Variants in UBE2Z observed in about 807,000 individuals in gnomAD.
UBE2Z encodes ubiquitin-conjugating enzyme E2 Z.
Under a neutral mutation model 32.6 loss-of-function variants are expected in UBE2Z, and 10 were observed. The observed-to-expected ratio is 0.31, with a 90% CI of 0.19 to 0.52. UBE2Z has a LOEUF of 0.52. Ranked by LOEUF, UBE2Z falls within the 20% of genes least tolerant of loss-of-function variation. UBE2Z has a pLI of 0.97. For missense variants in UBE2Z, 343 were observed against 480.9 expected, an observed-to-expected ratio of 0.71 and a Z score of 2.68; for synonymous variants, 183 against 190.8, an observed-to-expected ratio of 0.96 and a Z score of 0.34.
At chr17:48,909,251 C>T (rs1233285252) in intron 1 of UBE2Z, among the ~76,000 whole-genome samples, 1 of 151,134 alleles carries the variant, frequency 6.6e-6, no homozygotes. Context: ...CCTCTCTTCT[C>T]CTCTGGAGCC....
At chr17:48,915,972 A>G in intron 3 of UBE2Z, 104 bp from the exon 4 acceptor site, 1 of 629,518 alleles carries the variant, frequency 1.6e-6, no homozygotes, top group South Asian at 1.9e-5. Flanking sequence ...ATAGTGAAAG[A>G]GAAACTTATG....
At chr17:48,914,934 T>C (rs559145179) in intron 3 of UBE2Z, among the ~76,000 whole-genome samples, 30 of 152,128 alleles carry the variant, frequency 2.0e-4, no homozygotes, top group Admixed American at 6.5e-4. Context: ...GGCACAAGAA[T>C]TGCTTGAACC....
intron 5 of UBE2Z, 69 bp from the exon 6 acceptor site, chr17:48,922,778 A>T: frequency 3.5e-5 from 42 of 1,204,582 alleles, no homozygotes; most frequent in Non-Finnish European, 4.6e-5. Flanking sequence ...AAAAAAAAAA[A>T]GGTTAGGTAA....
At chr17:48,908,994 C>T in intron 1 of UBE2Z, 174 bp downstream of exon 1, 2 of 360,154 alleles carry the variant, frequency 5.6e-6, no homozygotes, top group Non-Finnish European at 1.0e-5. Context: ...CCCTTCTCCC[C>T]CCACCCTCAG....
At chr17:48,916,540 C>G (rs1347641994) in intron 4 of UBE2Z, among the ~76,000 whole-genome samples, 1 of 151,568 alleles carries the variant, frequency 6.6e-6, no homozygotes, top group Admixed American at 6.6e-5. Flanking sequence ...CGTGAGCCAC[C>G]GCGCCCAGCC....
intron 1 of UBE2Z, among the ~76,000 whole-genome samples, chr17:48,909,436 C>T (rs559957392): frequency 1.3e-5 from 2 of 152,016 alleles, no homozygotes; most frequent in Non-Finnish European, 2.9e-5. Flanking sequence ...CCAAAGCTGT[C>T]CACTCTTACG....
At chr17:48,924,703 A>G (rs946539817) in intron 6 of UBE2Z, among the ~76,000 whole-genome samples, 1 of 151,854 alleles carries the variant, frequency 6.6e-6, no homozygotes, top group Admixed American at 6.6e-5. Flanking sequence ...AAAATTAGCC[A>G]GGCATGATGG....
In UBE2Z at chr17:48,922,391, A is replaced by G. The variant is rs576116274; in HGVS notation, c.804-456A>G. On this transcript the variant is annotated intron_variant, in intron 5 of 6. Transcript: ENST00000360943. ...AAAAGAGCGAGACTCAGTCTCAAAA[A>G]AATAAAAAATAAATAAAATGAAAAG... Among the ~76,000 whole-genome samples, 7 of 152,314 alleles carry G rather than the reference A, an allele frequency of 4.6e-5. No individual in the cohort carries two copies. In the South Asian group the frequency reaches 1.4e-3, roughly 32 times the overall value.
chr17:48,919,277 C>T (rs2040742999), intron 4 of UBE2Z, among the ~76,000 whole-genome samples: 3 of 152,002 alleles, frequency 2.0e-5, no homozygotes, highest in African/African-American at 7.3e-5. Flanking sequence ...AGCTACCGCG[C>T]CTGGCCCATC....
At chr17:48,912,544 A>T in intron 2 of UBE2Z, 1 of 345,102 alleles carries the variant, frequency 2.9e-6, no homozygotes, top group Non-Finnish European at 5.4e-6. Flanking sequence ...AGAGAGTTTT[A>T]GGGGATACTC....
intron 6 of UBE2Z, among the ~76,000 whole-genome samples, chr17:48,925,835 T>C (rs1355569987): frequency 6.6e-6 from 1 of 152,148 alleles, no homozygotes; most frequent in Non-Finnish European, 1.5e-5. Context: ...TGACAGTGAC[T>C]AGCATCCACT....
chr17:48,914,657 AAGT>A (rs1452916683), intron 3 of UBE2Z, among the ~76,000 whole-genome samples: 2 of 152,178 alleles, frequency 1.3e-5, no homozygotes, highest in African/African-American at 4.8e-5. Context: ...AGTGGGGTAA[AAGT>A]AGTAGAAGTG....
chr17:48,926,914 T>A, intron 6 of UBE2Z, 50 bp from the exon 7 acceptor site: 1 of 1,572,298 alleles, frequency 6.4e-7, no homozygotes, highest in Non-Finnish European at 8.6e-7. Flanking sequence ...TTCTCTAGGA[T>A]CAGCCACCCA....
intron 4 of UBE2Z, among the ~76,000 whole-genome samples, chr17:48,920,284 C>G (rs1461950103): frequency 1.3e-5 from 2 of 151,988 alleles, no homozygotes; most frequent in Non-Finnish European, 2.9e-5. Context: ...TACCTGAGGT[C>G]AGGCGTTCAG....
At position 48,908,557 on chromosome 17, in the gene UBE2Z, C is replaced by T. The variant is rs1598069291; in HGVS notation, c.54C>T (p.Gly18=). The change falls in exon 1 of 7, where the codon GGC becomes GGT. Residue 18 remains glycine, a synonymous_variant. Coordinates refer to ENST00000360943, the MANE Select transcript of UBE2Z (RefSeq NM_023079.5). ...EAATAGAGAA[G]PGASSVAGVV... ...CAACGGCGGGCGCCGGGGCGGCGGG[C>T]CCCGGGGCGAGCAGCGTTGCTGGTG... 4 of 1,236,924 alleles carry T rather than the reference C, an allele frequency of 3.2e-6. No homozygotes were observed. The highest frequency in any genetic ancestry group is 6.3e-5 in the East Asian group (2 of 31,612). The allele number at this position is 1,236,924 out of a possible 1,614,324, so 76.6% of individuals were successfully genotyped here.
rs189246222 is a variant in UBE2Z at position 48,911,277 on chromosome 17, G to C, written c.390+397G>C. On this transcript the variant is annotated intron_variant, in intron 2 of 6. Coordinates refer to ENST00000360943, the MANE Select transcript of UBE2Z (RefSeq NM_023079.5). ...AACTATGCTATGGTACTATAAATCA[G>C]ATGTAGGGAAGGTTGGGAATAGGGC... The C allele has an allele frequency of 1.2e-3, 219 of 185,094 alleles. 3 individuals are homozygous for C. Among genetic ancestry groups the C allele is most frequent in the Non-Finnish European group, 1.3e-4 (11 of 86,032 alleles). The allele number at this position is 185,094 out of a possible 1,614,324, so 11.5% of individuals were successfully genotyped here.
At chr17:48,915,455 AAG>A (rs908250174) in intron 3 of UBE2Z, among the ~76,000 whole-genome samples, 1 of 152,210 alleles carries the variant, frequency 6.6e-6, no homozygotes, top group African/African-American at 2.4e-5. Flanking sequence ...GGGTTTATGA[AAG>A]AGAGGAGCAA....
intron 6 of UBE2Z, among the ~76,000 whole-genome samples, chr17:48,923,251 G>A (rs1206185902): frequency 1.3e-5 from 2 of 148,990 alleles, no homozygotes; most frequent in Non-Finnish European, 3.0e-5. Context: ...AACCCAGGAG[G>A]CAGAAGTTGC....
intron 6 of UBE2Z, among the ~76,000 whole-genome samples, chr17:48,926,330 C>A (rs1289731616): frequency 6.6e-6 from 1 of 152,198 alleles, no homozygotes; most frequent in Admixed American, 6.6e-5. Context: ...GCATACTTAA[C>A]AATTATAATT....
Sources: allele counts gnomAD v4.1 joint callset (sites outside exome capture counted in the v4.1 genomes callset), GRCh38; gene constraint gnomAD v4.1.1; transcripts MANE v1.5; gene names NCBI Gene and HGNC (gene_info 2026-07-23, HGNC 2026-07-21).